CNTNAP2: variants seen among roughly 807,000 people sequenced by gnomAD.
The protein encoded by CNTNAP2 is contactin-associated protein-like 2.
CNTNAP2 carries 98 observed loss-of-function variants against 155.2 expected under a neutral mutation model. The ratio of observed to expected loss-of-function variants is 0.63; its 90% CI spans 0.54 to 0.75. The LOEUF is 0.75. CNTNAP2 is among the 30% of genes least tolerant of loss of function. The pLI is 0.00. For synonymous variants in CNTNAP2, 651 were observed against 631.2 expected (o/e 1.03, Z -0.47); for missense variants, 1,727 against 1,688.1 (o/e 1.02, Z -0.40).
intron 10 of CNTNAP2, among the ~76,000 whole-genome samples, chr7:147,456,899 G>A (rs1797926156): frequency 6.6e-6 from 1 of 152,142 alleles, no homozygotes; most frequent in African/African-American, 2.4e-5. Flanking sequence ...CAGGAGGTCT[G>A]TATAATCATT....
At chr7:146,759,230 C>G (rs985540800) in intron 1 of CNTNAP2, among the ~76,000 whole-genome samples, 2 of 151,828 alleles carry the variant, frequency 1.3e-5, no homozygotes, top group African/African-American at 4.8e-5. Flanking sequence ...TTTAGATTAC[C>G]CCCAGATGCC....
Position 146,851,051 on chromosome 7 carries a change from C to T in CNTNAP2, c.402+11147C>T, listed in dbSNP as rs567248708. ...CCAGGCTGGAGTGCAGTTTCCCAAT[C>T]TCTGCTCACTGCAACCTCCGCCTCC... On this transcript the variant is annotated intron_variant, in intron 3 of 23. Transcript: ENST00000361727. 1.7e-3 allele frequency among the ~76,000 whole-genome samples: 260 copies of T among 152,252 alleles called. 1 individual carries two copies. Among genetic ancestry groups the T allele is most frequent in the Non-Finnish European group, 1.7e-3 (113 of 68,012 alleles).
At chr7:146,147,164 T>C (rs1241955018) in intron 1 of CNTNAP2, among the ~76,000 whole-genome samples, 1 of 152,168 alleles carries the variant, frequency 6.6e-6, no homozygotes. Flanking sequence ...AATTTGATCA[T>C]TCTTCTTTCT....
At chr7:147,454,807 G>A (rs886714528) in intron 10 of CNTNAP2, among the ~76,000 whole-genome samples, 4 of 151,970 alleles carry the variant, frequency 2.6e-5, no homozygotes, top group African/African-American at 9.7e-5. Context: ...AAAGGTCAGG[G>A]CTCATGATAA....
At chr7:146,529,124 T>C (rs1382623433) in intron 1 of CNTNAP2, among the ~76,000 whole-genome samples, 1 of 152,214 alleles carries the variant, frequency 6.6e-6, no homozygotes, top group African/African-American at 2.4e-5. Flanking sequence ...AAATTAGAAG[T>C]ATATTTTTTG....
chr7:146,940,483 G>A (rs1353959712), intron 3 of CNTNAP2, among the ~76,000 whole-genome samples: 3 of 152,028 alleles, frequency 2.0e-5, no homozygotes, highest in African/African-American at 4.8e-5. Flanking sequence ...GTGAGCCACC[G>A]CACCCAGCCC....
rs142074101 is a variant in CNTNAP2 at position 147,927,086 on chromosome 7, G to A, written c.2255+23365G>A. On this transcript the variant is annotated intron_variant, in intron 14 of 23. Coordinates refer to ENST00000361727, the MANE Select transcript of CNTNAP2 (RefSeq NM_014141.6). ...TACAATATGACAATAAAACAATTGC[G>A]TATATTACAGAGTAGAAGAAACTCC... 3.2e-3 allele frequency among the ~76,000 whole-genome samples: 482 copies of A among 152,184 alleles called. 2 individuals carry two copies. Among genetic ancestry groups the A allele is most frequent in the African/African-American group, 9.7e-3 (401 of 41,518 alleles).
chr7:147,078,019 A>G (rs1049507343), intron 4 of CNTNAP2, among the ~76,000 whole-genome samples: 13 of 152,270 alleles, frequency 8.5e-5, no homozygotes, highest in African/African-American at 3.1e-4. Flanking sequence ...TGTCTATGAC[A>G]TCTGATATAC....
chr7:146,358,009 T>G (rs1007184408), intron 1 of CNTNAP2, among the ~76,000 whole-genome samples: 1 of 149,676 alleles, frequency 6.7e-6, no homozygotes, highest in Non-Finnish European at 1.5e-5. Context: ...TATTTATTTA[T>G]TTATTTATTT....
intron 18 of CNTNAP2, 86 bp from the exon 19 acceptor site, chr7:148,217,202 A>G: frequency 2.3e-6 from 3 of 1,310,498 alleles, no homozygotes; most frequent in Admixed American, 1.7e-5. Flanking sequence ...CAGTGCCTGC[A>G]CTCCATGAAC....
Position 146,557,812 on chromosome 7 carries a change from A to G in CNTNAP2, c.98-216459A>G, listed in dbSNP as rs114205607. ...TTGAGCTAATTTAATTTTGTTGTTT[A>G]CAATTGATACATTTATTTTTGATAT... On this transcript the variant is annotated intron_variant, in intron 1 of 23. Coordinates refer to ENST00000361727, the MANE Select transcript of CNTNAP2 (RefSeq NM_014141.6). Among the ~76,000 whole-genome samples the G allele has an allele frequency of 4.6e-3, 698 of 152,304 alleles. 5 individuals carry two copies. The highest frequency in any genetic ancestry group is 0.016 in the African/African-American group (651 of 41,566).
chr7:146,346,802 C>G (rs1189392542), intron 1 of CNTNAP2, among the ~76,000 whole-genome samples: 1 of 152,138 alleles, frequency 6.6e-6, no homozygotes, highest in Non-Finnish European at 1.5e-5. Context: ...TACCCTACAC[C>G]CAAGTTTCAT....
chr7:146,174,804 C>G (rs1198630032), intron 1 of CNTNAP2, among the ~76,000 whole-genome samples: 3 of 152,116 alleles, frequency 2.0e-5, no homozygotes, highest in Admixed American at 2.0e-4. Context: ...GATCACTCCA[C>G]TGCACTCCAG....
chr7:146,646,382 ATTT>A (rs1799812346), intron 1 of CNTNAP2, among the ~76,000 whole-genome samples: 1 of 152,150 alleles, frequency 6.6e-6, no homozygotes, highest in East Asian at 1.9e-4. Flanking sequence ...ACAAGCCATT[ATTT>A]TTAATTATTT....
chr7:146,446,200 GT>G (rs1251629027), intron 1 of CNTNAP2, among the ~76,000 whole-genome samples: 1 of 152,102 alleles, frequency 6.6e-6, no homozygotes, highest in Non-Finnish European at 1.5e-5. Flanking sequence ...AAAATATTAT[GT>G]TTTAATAATA....
rs1275064794 is a variant in CNTNAP2 at position 148,415,490 on chromosome 7, G to A, written c.3870G>A (p.Lys1290=). The A allele has an allele frequency of 1.9e-6, 3 of 1,614,090 alleles. No homozygotes were observed. In the African/African-American group the frequency reaches 4.0e-5, roughly 22 times the overall value. Residue 1290 remains lysine (K), a synonymous_variant, in exon 24 of 24, where the codon AAG becomes AAA. Coordinates refer to ENST00000361727, the MANE Select transcript of CNTNAP2 (RefSeq NM_014141.6). The part of the protein sequence containing the change: ...VFLIRYMFRH[K]GTYHTNEAKG... ...TGATCCGGTACATGTTCCGCCACAA[G>A]GGCACCTACCATACCAACGAAGCAA...
At chr7:147,695,198 T>C (rs1023374859) in intron 13 of CNTNAP2, among the ~76,000 whole-genome samples, 1 of 152,234 alleles carries the variant, frequency 6.6e-6, no homozygotes, top group Admixed American at 6.5e-5. Flanking sequence ...TATTTTGGTC[T>C]GAGAGCAGAC....
At chr7:147,559,986 T>C (rs571872287) in intron 11 of CNTNAP2, among the ~76,000 whole-genome samples, 75 of 151,552 alleles carry the variant, frequency 4.9e-4, no homozygotes, top group Non-Finnish European at 7.7e-4. Flanking sequence ...CTGACCAACA[T>C]GGAGAAACCC....
chr7:146,691,724 T>C (rs1800699717), intron 1 of CNTNAP2, among the ~76,000 whole-genome samples: 1 of 152,098 alleles, frequency 6.6e-6, no homozygotes, highest in Non-Finnish European at 1.5e-5. Context: ...ATTCTACCCA[T>C]ACTACCAACC....
Sources: allele counts gnomAD v4.1 joint callset (sites outside exome capture counted in the v4.1 genomes callset), GRCh38; gene constraint gnomAD v4.1.1; transcripts MANE v1.5; gene names NCBI Gene and HGNC (gene_info 2026-07-23, HGNC 2026-07-21).